GPI: variants seen among roughly 807,000 people sequenced by gnomAD.
The protein encoded by GPI is D-hexose-6-phosphate anomerase.
GPI carries 56 observed loss-of-function variants against 75.8 expected under a neutral mutation model. That is an observed-to-expected ratio of 0.74 (90% CI 0.60 to 0.92). The LOEUF is 0.92. Among genes scored for constraint, GPI ranks in the 40% least tolerant of loss-of-function variants. The probability of loss-of-function intolerance (pLI) is 0.00; values close to 1 mark genes in which losing one functional copy is unlikely to be tolerated. For missense variants in GPI, 638 were observed against 741.0 expected (o/e 0.86, Z 1.61); for synonymous variants, 288 against 285.4 (o/e 1.01, Z -0.09).
In GPI at chr19:34,394,137, G is replaced by A. The variant is rs933179517; in HGVS notation, c.1062+71G>A. 1.3e-5 allele frequency: 16 copies of A among 1,191,348 alleles called. No individual in the cohort carries two copies. In the African/African-American group the frequency reaches 2.2e-4, roughly 17 times the overall value. The allele number at this position is 1,191,348 out of a possible 1,614,324, so 73.8% of individuals were successfully genotyped here. On this transcript the variant is annotated intron_variant, in intron 12 of 17. Coordinates refer to ENST00000356487, the MANE Select transcript of GPI (RefSeq NM_000175.5). ...GGGTCTGGGAGGTCTAGGAACCTGGGTTTCAGCTCCTCCAGGAGCTCTTTG... is the reference window on the plus strand; with the variant it reads ...GGGTCTGGGAGGTCTAGGAACCTGGATTTCAGCTCCTCCAGGAGCTCTTTG...
intron 9 of GPI, among the ~76,000 whole-genome samples, chr19:34,387,107 C>T (rs548042764): frequency 4.6e-5 from 7 of 152,280 alleles, no homozygotes; most frequent in Admixed American, 2.6e-4. Flanking sequence ...GCAAGGGAAC[C>T]GGGTCTGTCA....
In GPI at chr19:34,381,743, G is replaced by A. The variant is rs375496617; in HGVS notation, c.804+224G>A. 14 of 619,742 alleles carry A rather than the reference G, an allele frequency of 2.3e-5. No individual in the cohort carries two copies. In the South Asian group the frequency reaches 2.4e-4, roughly 11 times the overall value. 38.4% of individuals were successfully genotyped at this position (619,742 alleles called of 1,614,324 possible). A position where few individuals can be genotyped will look rare whatever the true frequency, so the allele number is the denominator to read the frequency against. On this transcript the variant is annotated intron_variant, in intron 9 of 17. Transcript: ENST00000356487. ...GCGGGCTGAGCTTGCAGGGCCACAT[G>A]ACACTCCCTTGGGTGCCTGCCTGCA...
At chr19:34,386,536 T>C (rs958595406) in intron 9 of GPI, among the ~76,000 whole-genome samples, 1 of 151,772 alleles carries the variant, frequency 6.6e-6, no homozygotes, top group South Asian at 2.1e-4. Flanking sequence ...CTTTCAGGAG[T>C]TGGATTCAGG....
intron 1 of GPI, 111 bp from the exon 2 acceptor site, chr19:34,366,234 G>T (rs2074362437): frequency 2.5e-6 from 2 of 792,050 alleles, no homozygotes. Context: ...CGCGGCCCTT[G>T]TGGGGCGTGG....
intron 9 of GPI, among the ~76,000 whole-genome samples, chr19:34,384,563 G>T (rs1178024032): frequency 6.6e-6 from 1 of 152,182 alleles, no homozygotes; most frequent in African/African-American, 2.4e-5. Flanking sequence ...TCAGGCACAG[G>T]TAGAACGGAT....
In GPI at chr19:34,400,378, G is replaced by A. The variant is rs1235064059; in HGVS notation, c.*342G>A. 5 of 597,454 alleles carry A rather than the reference G, an allele frequency of 8.4e-6. No individual in the cohort carries two copies. In the African/African-American group the frequency reaches 9.3e-5, roughly 11 times the overall value. 37.0% of individuals were successfully genotyped at this position (597,454 alleles called of 1,614,324 possible). ...TTTTTTTCCTGTGATGGTGCTTTATGTAGCAGAGGGCAGGAGCGCTCAGCA... is the reference window on the plus strand; with the variant it reads ...TTTTTTTCCTGTGATGGTGCTTTATATAGCAGAGGGCAGGAGCGCTCAGCA... On this transcript the variant is annotated 3_prime_UTR_variant, in exon 18 of 18. Coordinates refer to ENST00000356487, the MANE Select transcript of GPI (RefSeq NM_000175.5).
chr19:34,372,724 G>T (rs2074474457), intron 4 of GPI, among the ~76,000 whole-genome samples: 1 of 152,130 alleles, frequency 6.6e-6, no homozygotes, highest in Non-Finnish European at 1.5e-5. Context: ...TCGGATCACT[G>T]CAGGCCAGGA....
intron 8 of GPI, chr19:34,379,823 C>T: frequency 3.3e-6 from 2 of 602,074 alleles, no homozygotes; most frequent in Non-Finnish European, 6.0e-6. Context: ...CTGACTGATA[C>T]ACAGAACCCT....
intron 9 of GPI, among the ~76,000 whole-genome samples, chr19:34,386,244 A>G (rs540208100): frequency 1.3e-5 from 2 of 151,284 alleles, no homozygotes; most frequent in Middle Eastern, 3.4e-3. Flanking sequence ...GTATGTAGAG[A>G]TAGCCTTTCA....
chr19:34,400,299 C>A lies in GPI; in HGVS notation c.*263C>A. 1 of 597,966 alleles carries A rather than the reference C, an allele frequency of 1.7e-6. No homozygotes were observed. Among genetic ancestry groups the A allele is most frequent in the Non-Finnish European group, 3.0e-6 (1 of 336,182 alleles). 37.0% of individuals were successfully genotyped at this position (597,966 alleles called of 1,614,324 possible). A position where few individuals can be genotyped will look rare whatever the true frequency, so the allele number is the denominator to read the frequency against. The stretch of plus-strand genomic sequence containing the variant: ...ACCCATGTTCACGTTGTTCACATCC[C>A]ATGTAGAAAAATAAAGATGCCACGG... On this transcript the variant is annotated 3_prime_UTR_variant, in exon 18 of 18. Transcript: ENST00000356487.
In GPI at chr19:34,400,782, T is replaced by C. The variant is rs1599862663; in HGVS notation, c.*746T>C. ...CTCTGTCACCCAGACTGGAGTGCAG[T>C]GGTGCAATCTCGGCTCACTGCAACC... On this transcript the variant is annotated 3_prime_UTR_variant, in exon 18 of 18. Transcript: ENST00000356487. 4 of 391,800 alleles carry C rather than the reference T, an allele frequency of 1.0e-5. No individual in the cohort carries two copies. Among genetic ancestry groups the C allele is most frequent in the African/African-American group, 6.2e-5 (3 of 48,402 alleles). The allele number at this position is 391,800 out of a possible 1,614,324, so 24.3% of individuals were successfully genotyped here. A position where few individuals can be genotyped will look rare whatever the true frequency, so the allele number is the denominator to read the frequency against.
intron 6 of GPI, 101 bp downstream of exon 6, chr19:34,377,982 G>A: frequency 8.3e-7 from 1 of 1,211,980 alleles, no homozygotes; most frequent in Non-Finnish European, 1.2e-6. Context: ...CCTTTTGGTG[G>A]GTTCCGAGTG....
rs2075000337 is a variant in GPI at position 34,400,029 on chromosome 19, T to C, written c.1670T>C (p.Val557Ala). The change falls in exon 18 of 18, where the codon GTC (valine) becomes GCC (alanine). Residue 557 changes from valine to alanine, a missense_variant. Coordinates refer to ENST00000356487, the MANE Select transcript of GPI (RefSeq NM_000175.5). ...NFIKQQREAR[V>A]Q Reference sequence around the variant, plus strand: ...ATCAAGCAGCAGCGCGAGGCCAGAGTCCAATAAACTCGTGCTCATCTGCAG... The same window carrying C: ...ATCAAGCAGCAGCGCGAGGCCAGAGCCCAATAAACTCGTGCTCATCTGCAG... The C allele has an allele frequency of 6.2e-7, 1 of 1,611,360 alleles. No individual in the cohort carries two copies.
intron 9 of GPI, among the ~76,000 whole-genome samples, chr19:34,388,287 GT>G (rs1173341886): frequency 6.6e-6 from 1 of 152,170 alleles, no homozygotes; most frequent in East Asian, 1.9e-4. Context: ...GACCAGTCTG[GT>G]CAACACGGTG....
intron 9 of GPI, among the ~76,000 whole-genome samples, chr19:34,391,386 A>T (rs78628954): frequency 0.047 from 127 of 2,678 alleles, no homozygotes; most frequent in South Asian, 0.11. Flanking sequence ...TGTCAATATC[A>T]GAGGAGGTAG....
At position 34,393,019 on chromosome 19, in the gene GPI, C is replaced by G. The variant is rs1315306173; in HGVS notation, c.805-229C>G. 3.4e-6 allele frequency: 2 copies of G among 590,068 alleles called. No individual in the cohort carries two copies. Among genetic ancestry groups the G allele is most frequent in the Non-Finnish European group, 6.2e-6 (2 of 324,594 alleles). 36.6% of individuals were successfully genotyped at this position (590,068 alleles called of 1,614,324 possible). ...CAGGGCCCGACATCTCAGGGAAGAC[C>G]ACGGTAAGCTCTTCAGTTTGTCTTG... is the stretch of plus-strand genomic sequence containing the variant. On this transcript the variant is annotated intron_variant, in intron 9 of 17. Transcript: ENST00000356487. This position sits in a 1 kb window ranked among gnomAD's most constrained non-coding sequence, Gnocchi z 4.4.
In GPI at chr19:34,400,587, A is replaced by C; in HGVS notation, c.*551A>C. 2.3e-6 allele frequency: 1 copy of C among 430,074 alleles called. No individual in the cohort carries two copies. 26.6% of individuals were successfully genotyped at this position (430,074 alleles called of 1,614,324 possible). A position where few individuals can be genotyped will look rare whatever the true frequency, so the allele number is the denominator to read the frequency against. On this transcript the variant is annotated 3_prime_UTR_variant, in exon 18 of 18. Coordinates refer to ENST00000356487, the MANE Select transcript of GPI (RefSeq NM_000175.5). ...TCACCTCTGTGACTGCAGAAATTGG[A>C]TACTCTGTTCACTCGATGGTTCTAA...
At chr19:34,369,613 A>G (rs2074420375) in intron 4 of GPI, among the ~76,000 whole-genome samples, 1 of 152,012 alleles carries the variant, frequency 6.6e-6, no homozygotes, top group Non-Finnish European at 1.5e-5. Context: ...AGACTGAGGC[A>G]GGAGAATCGC....
At chr19:34,398,116 A>G (rs543285397) in intron 14 of GPI, 38 of 151,284 alleles carry the variant, frequency 2.5e-4, no homozygotes, top group African/African-American at 6.8e-4. Context: ...CAGTGGCACA[A>G]TCAGGCTCTC....
Sources: allele counts gnomAD v4.1 joint callset (sites outside exome capture counted in the v4.1 genomes callset), GRCh38; gene constraint gnomAD v4.1.1; non-coding constraint Gnocchi (gnomAD v3.1); transcripts MANE v1.5; gene names NCBI Gene and HGNC (gene_info 2026-07-23, HGNC 2026-07-21).